EYS: variants seen among roughly 807,000 people sequenced by gnomAD.
EYS encodes EGF-like photoreceptor maintenance factor, also known as protein eyes shut homolog.
Under a neutral mutation model 282.1 loss-of-function variants are expected in EYS, and 250 were observed. The observed-to-expected ratio is 0.89, with a 90% CI of 0.80 to 0.98. The LOEUF (loss-of-function observed/expected upper bound fraction) is 0.98, where lower values mean the gene tolerates loss of function less well. Among genes scored for constraint, EYS ranks in the 50% least tolerant of loss-of-function variants. The pLI is 0.00. For missense variants in EYS, 4,016 were observed against 3,709.0 expected, an observed-to-expected ratio of 1.08 and a Z score of -2.15; for synonymous variants, 1,355 against 1,282.9, an observed-to-expected ratio of 1.06 and a Z score of -1.20.
rs1381082608 is a variant in EYS, at chr6:65,693,410, T to C, written c.-448+13725A>G. The stretch of plus-strand genomic sequence containing the variant: ...CAATCTTCTTTTTTCCTTTCTTTTT[T>C]TTTTTTTTTTTTTTAAGTCTTGGGC... On this transcript the variant is annotated intron_variant, in intron 1 of 42. Coordinates refer to ENST00000503581, the MANE Select transcript of EYS (RefSeq NM_001142800.2). Among the ~76,000 whole-genome samples the C allele has an allele frequency of 6.1e-5, 9 of 146,946 alleles. 1 individual carries two copies. The highest frequency in any genetic ancestry group is 2.0e-4 in the African/African-American group (8 of 40,650).
At chr6:63,869,437 A>T (rs1029623947) in intron 35 of EYS, among the ~76,000 whole-genome samples, 1 of 152,090 alleles carries the variant, frequency 6.6e-6, no homozygotes, top group African/African-American at 2.4e-5. Context: ...AAGAAAAATG[A>T]CCAAAATTTC....
chr6:64,811,144 T>C (rs1402494647), intron 22 of EYS, among the ~76,000 whole-genome samples: 1 of 152,096 alleles, frequency 6.6e-6, no homozygotes, highest in Admixed American at 6.6e-5. Context: ...AAGTAAACTA[T>C]CTAAGGACTG....
intron 14 of EYS, among the ~76,000 whole-genome samples, chr6:64,951,064 T>C (rs1277050903): frequency 2.0e-5 from 3 of 151,412 alleles, no homozygotes; most frequent in Admixed American, 6.6e-5. Flanking sequence ...GTCAAGGAGA[T>C]TAGGTCCGTG....
rs1554154790 is a variant in EYS, at chr6:65,115,966, A to ATT, written c.2024-58240_2024-58239insAA. On this transcript the variant is annotated intron_variant, in intron 12 of 42. Coordinates refer to ENST00000503581, the MANE Select transcript of EYS (RefSeq NM_001142800.2). ...TGTCTGTCTGTCTGTCTGTCTATCTAATCTATCTATCTATCTATCTATCTA... is the reference window on the plus strand; with the variant it reads ...TGTCTGTCTGTCTGTCTGTCTATCTATTATCTATCTATCTATCTATCTATCTA... Among the ~76,000 whole-genome samples, 44 of 144,962 alleles carry ATT rather than the reference A, an allele frequency of 3.0e-4. 1 individual carries two copies. The highest frequency in any genetic ancestry group is 1.1e-3 in the African/African-American group (42 of 38,488).
chr6:65,594,891 G>A (rs1339973586), intron 2 of EYS, among the ~76,000 whole-genome samples: 9 of 152,096 alleles, frequency 5.9e-5, no homozygotes, highest in Non-Finnish European at 1.3e-4. Flanking sequence ...TGGCTAGCCA[G>A]TTTTCCCAGC....
At chr6:64,969,049 A>G (rs1770200952) in intron 14 of EYS, among the ~76,000 whole-genome samples, 1 of 152,058 alleles carries the variant, frequency 6.6e-6, no homozygotes, top group African/African-American at 2.4e-5. Context: ...ACTCTCTCAC[A>G]GACATTGTTT....
chr6:65,662,166 C>G (rs1768030712), intron 1 of EYS, among the ~76,000 whole-genome samples: 1 of 151,930 alleles, frequency 6.6e-6, no homozygotes, highest in Admixed American at 6.6e-5. Context: ...TATTTGCAAC[C>G]TATCATACAT....
At position 65,651,050 on chromosome 6, in the gene EYS, T is replaced by G. The variant is rs139454971; in HGVS notation, c.-447-11158A>C. Among the ~76,000 whole-genome samples, 1,062 of 152,196 alleles carry G rather than the reference T, an allele frequency of 7.0e-3. 5 individuals carry two copies. Among genetic ancestry groups the G allele is most frequent in the Middle Eastern group, 0.017 (5 of 294 alleles). The stretch of plus-strand genomic sequence containing the variant: ...AACAAGGTAGCAGTTTTCAACAAAT[T>G]TAAATATAAAAACCTTTATTAATAT... On this transcript the variant is annotated intron_variant, in intron 1 of 42. Transcript: ENST00000503581.
At chr6:64,459,427 G>A (rs1200320476) in intron 26 of EYS, among the ~76,000 whole-genome samples, 1 of 152,054 alleles carries the variant, frequency 6.6e-6, no homozygotes, top group Non-Finnish European at 1.5e-5. Flanking sequence ...AGAACTAATG[G>A]GATATACTTA....
At chr6:64,393,925 T>A (rs1773258091) in intron 28 of EYS, among the ~76,000 whole-genome samples, 1 of 151,884 alleles carries the variant, frequency 6.6e-6, no homozygotes, top group Admixed American at 6.6e-5. Context: ...ATAAGCAACT[T>A]CAGCAAAGTC....
chr6:64,012,406 GC>G (rs1259448073), intron 33 of EYS, among the ~76,000 whole-genome samples: 37 of 152,302 alleles, frequency 2.4e-4, no homozygotes, highest in Non-Finnish European at 1.0e-4. Context: ...GAGACTCAGA[GC>G]CCAGAGACTC....
At chr6:65,053,782 C>T (rs1250618697) in intron 13 of EYS, among the ~76,000 whole-genome samples, 1 of 151,842 alleles carries the variant, frequency 6.6e-6, no homozygotes, top group East Asian at 1.9e-4. Flanking sequence ...CAGGTAAAGG[C>T]CTGGATATTC....
chr6:64,693,022 T>A (rs1405551060), intron 22 of EYS, among the ~76,000 whole-genome samples: 1 of 5,402 alleles, frequency 1.9e-4, no homozygotes, highest in Admixed American at 1.7e-3. Flanking sequence ...ATTTTAGAAT[T>A]TTTTTTTTCT....
At chr6:64,675,748 G>C (rs1247452453) in intron 22 of EYS, among the ~76,000 whole-genome samples, 3 of 151,650 alleles carry the variant, frequency 2.0e-5, no homozygotes, top group Non-Finnish European at 1.5e-5. Flanking sequence ...AACTTTTCTA[G>C]GGTACCATCA....
intron 31 of EYS, among the ~76,000 whole-genome samples, chr6:64,200,858 A>G (rs1261806655): frequency 1.3e-5 from 2 of 152,162 alleles, no homozygotes; most frequent in Non-Finnish European, 2.9e-5. Flanking sequence ...TATAAAAGAA[A>G]GTCTCCAAAG....
At chr6:63,956,447 G>A (rs1040362460) in intron 35 of EYS, among the ~76,000 whole-genome samples, 3 of 152,092 alleles carry the variant, frequency 2.0e-5, no homozygotes, top group Non-Finnish European at 4.4e-5. Flanking sequence ...CAGCCCACCT[G>A]CACCCAGGTG....
intron 22 of EYS, among the ~76,000 whole-genome samples, chr6:64,734,686 A>C (rs1280584363): frequency 6.6e-6 from 1 of 152,174 alleles, no homozygotes; most frequent in Admixed American, 6.5e-5. Context: ...CTAAAACTAC[A>C]CTAGAAAGTG....
Position 64,822,981 on chromosome 6 carries a change from T to A in EYS, c.2993-159A>T, listed in dbSNP as rs1029992954. Reference sequence around the variant, plus strand: ...AGAAAATATATTTCAAGGTTAAATATATTTAGGTCTATGAATGTTCAGATT... The same window carrying A: ...AGAAAATATATTTCAAGGTTAAATAAATTTAGGTCTATGAATGTTCAGATT... On this transcript the variant is annotated intron_variant, in intron 19 of 42. Coordinates refer to ENST00000503581, the MANE Select transcript of EYS (RefSeq NM_001142800.2). Among the ~76,000 whole-genome samples the A allele has an allele frequency of 2.0e-5, 3 of 151,988 alleles. No individual in the cohort carries two copies. In the East Asian group the frequency reaches 5.8e-4, roughly 29 times the overall value.
At chr6:64,329,978 T>C (rs1408768586) in intron 29 of EYS, among the ~76,000 whole-genome samples, 1 of 152,096 alleles carries the variant, frequency 6.6e-6, no homozygotes, top group Non-Finnish European at 1.5e-5. Flanking sequence ...CACAGTATAC[T>C]TGGACCAGAC....
Sources: gnomAD v4.1 joint callset for allele counts (sites outside exome capture counted in the v4.1 genomes callset) on GRCh38, gnomAD v4.1.1 for gene constraint, MANE v1.5 for transcripts, NCBI Gene and HGNC (gene_info 2026-07-23, HGNC 2026-07-21) for gene names.